CYLD: variants seen among roughly 807,000 people sequenced by gnomAD.
CYLD encodes ubiquitin carboxyl-terminal hydrolase CYLD.
Under a neutral mutation model 104.5 loss-of-function variants are expected in CYLD, and 26 were observed. The observed-to-expected ratio is 0.25, with a 90% confidence interval of 0.18 to 0.35. The LOEUF is 0.35. CYLD is among the 10% of genes least tolerant of loss of function. The probability of loss-of-function intolerance (pLI) is 1.00; values close to 1 mark genes in which losing one functional copy is unlikely to be tolerated. For missense variants in CYLD, 703 were observed against 1,136.1 expected (o/e 0.62, Z 5.48); for synonymous variants, 385 against 399.9 (o/e 0.96, Z 0.45).
chr16:50,743,271 G>A (rs1434883379), intron 2 of CYLD, among the ~76,000 whole-genome samples: 1 of 152,118 alleles, frequency 6.6e-6, no homozygotes, highest in African/African-American at 2.4e-5. Flanking sequence ...TTGATTGTTG[G>A]CTTTCTACAC....
At chr16:50,793,113 T>TACACACACACAC (rs1024974672) in intron 16 of CYLD, among the ~76,000 whole-genome samples, 12 of 134,272 alleles carry the variant, frequency 8.9e-5, no homozygotes, top group African/African-American at 3.3e-4. Context: ...AAAGGAGCCA[T>TACACACACACAC]ATACACACAC....
Position 50,799,071 on chromosome 16 carries a change from A to C in CYLD, c.*2563A>C, listed in dbSNP as rs2151053606. 8.6e-6 allele frequency: 2 copies of C among 233,452 alleles called. No homozygotes were observed. The highest frequency in any genetic ancestry group is 6.0e-5 in the East Asian group (1 of 16,712). 14.5% of individuals were successfully genotyped at this position (233,452 alleles called of 1,614,324 possible). A position where few individuals can be genotyped will look rare whatever the true frequency, so the allele number is the denominator to read the frequency against. ...TAGTTGGGGCTGGGCTGCATGGCACAGGGGCTTATGTGCCTGCTGGTTATT... is the reference window on the plus strand; with the variant it reads ...TAGTTGGGGCTGGGCTGCATGGCACCGGGGCTTATGTGCCTGCTGGTTATT... On this transcript the variant is annotated 3_prime_UTR_variant, in exon 19 of 19. Coordinates refer to ENST00000427738, the MANE Select transcript of CYLD (RefSeq NM_001378743.1).
intron 1 of CYLD, 192 bp from the exon 2 acceptor site, chr16:50,742,570 G>A (rs1965795686): frequency 2.7e-6 from 1 of 375,288 alleles, no homozygotes; most frequent in African/African-American, 2.1e-5. Flanking sequence ...TTACAGATTG[G>A]GAGACTGAGG....
rs78636108 is a variant in CYLD at position 50,777,561 on chromosome 16, T to A, written c.1022-264T>A. ...ATTTCTTAAAGCAGTTCATTTTTTT[T>A]AAAAATGAGTGGGCTTTTCTTTTAA... On this transcript the variant is annotated intron_variant, in intron 7 of 18. Transcript: ENST00000427738. 0.085 allele frequency among the ~76,000 whole-genome samples: 12,970 copies of A among 152,138 alleles called. 715 individuals are homozygous for A. The highest frequency in any genetic ancestry group is 0.24 in the South Asian group (1,136 of 4,822).
chr16:50,754,401 T>G lies in CYLD; in HGVS notation c.890T>G (p.Leu297Trp). The G allele has an allele frequency of 1.2e-6, 2 of 1,609,422 alleles. No individual in the cohort carries two copies. Among genetic ancestry groups the G allele is most frequent in the Non-Finnish European group, 1.7e-6 (2 of 1,176,092 alleles). The change falls in exon 5 of 19, where the codon TTG becomes TGG. Residue 297 changes from leucine to tryptophan, a missense_variant. Leu to Trp is a moderately conservative substitution (Grantham distance 61). Around this residue, in one of 5 missense-constraint regions of CYLD, gnomAD observed 123 missense variants for 213.3 expected, o/e 0.58. Coordinates refer to ENST00000427738, the MANE Select transcript of CYLD (RefSeq NM_001378743.1). ...GCGTGTGTTGAAAGTACAATTCTAT[T>G]GCACATCAATGATATCATCCCAGGT... ...SFACVESTIL[L>W]HINDIIPALS...
At chr16:50,753,020 A>G (rs368471049) in intron 4 of CYLD, among the ~76,000 whole-genome samples, 2 of 152,306 alleles carry the variant, frequency 1.3e-5, no homozygotes, top group Non-Finnish European at 1.5e-5. Context: ...AATCTCTTAT[A>G]CTCACAATGG....
chr16:50,797,172 AGT>A lies in CYLD; in HGVS notation c.*666_*667del, dbSNP rs1457131066. On this transcript the variant is annotated 3_prime_UTR_variant, in exon 19 of 19. Coordinates refer to ENST00000427738, the MANE Select transcript of CYLD (RefSeq NM_001378743.1). ...TCTGTCCCCAAATGTCCATTTTTGA[AGT>A]GATTTTCCTGGAGGATTAGGGTATT... is the stretch of plus-strand genomic sequence containing the variant. 4 of 232,962 alleles carry A rather than the reference AGT, an allele frequency of 1.7e-5. No homozygotes were observed. Among genetic ancestry groups the A allele is most frequent in the Non-Finnish European group, 3.4e-5 (4 of 117,968 alleles). The allele number at this position is 232,962 out of a possible 1,614,324, so 14.4% of individuals were successfully genotyped here.
chr16:50,770,088 A>G (rs1291157686), intron 5 of CYLD, among the ~76,000 whole-genome samples: 1 of 152,152 alleles, frequency 6.6e-6, no homozygotes, highest in African/African-American at 2.4e-5. Context: ...GTTTTTGGCT[A>G]TTATGAATAA....
chr16:50,773,037 C>T (rs934276026), intron 5 of CYLD, among the ~76,000 whole-genome samples: 11 of 152,164 alleles, frequency 7.2e-5, no homozygotes, highest in Non-Finnish European at 1.2e-4. Flanking sequence ...TTTCTGGCAT[C>T]GGGTTTAATA....
Position 50,744,576 on chromosome 16 carries a change from AG to A in CYLD, c.-124+1736del, listed in dbSNP as rs1966019595. Among the ~76,000 whole-genome samples, 4 of 152,340 alleles carry A rather than the reference AG, an allele frequency of 2.6e-5. No homozygotes were observed. In the South Asian group the frequency reaches 6.2e-4, roughly 24 times the overall value. On this transcript the variant is annotated intron_variant, in intron 2 of 18. Transcript: ENST00000427738. ...GCAGGATATCTTTGGAGATGCAAAA[AG>A]CTCTTGAATTGGATCTGTCTTTGTG... is the stretch of plus-strand genomic sequence containing the variant.
intron 5 of CYLD, among the ~76,000 whole-genome samples, chr16:50,772,514 A>C (rs942812992): frequency 6.6e-6 from 1 of 152,220 alleles, no homozygotes; most frequent in Non-Finnish European, 1.5e-5. Flanking sequence ...ATTAGTACAT[A>C]AGTTGTATAC....
intron 6 of CYLD, among the ~76,000 whole-genome samples, chr16:50,775,453 CTA>C (rs1969577618): frequency 6.6e-6 from 1 of 152,228 alleles, no homozygotes; most frequent in African/African-American, 2.4e-5. Flanking sequence ...GCATAATTCT[CTA>C]TGTTTTCCTC....
At chr16:50,757,736 T>C (rs1316994901) in intron 5 of CYLD, among the ~76,000 whole-genome samples, 1 of 152,008 alleles carries the variant, frequency 6.6e-6, no homozygotes, top group African/African-American at 2.4e-5. Context: ...TGGGGTTTCA[T>C]CGTGTTAGCC....
At chr16:50,784,617 T>C in intron 12 of CYLD, 166 bp downstream of exon 12, 4 of 709,682 alleles carry the variant, frequency 5.6e-6, no homozygotes, top group Non-Finnish European at 9.1e-6. Flanking sequence ...TGTACTTTTT[T>C]GCTTATTTAA....
At chr16:50,747,507 A>T (rs1966290646) in intron 2 of CYLD, among the ~76,000 whole-genome samples, 1 of 152,228 alleles carries the variant, frequency 6.6e-6, no homozygotes, top group African/African-American at 2.4e-5. Flanking sequence ...ATGATACATC[A>T]ATGATCAAGA....
At chr16:50,764,280 A>G (rs1030509535) in intron 5 of CYLD, among the ~76,000 whole-genome samples, 1 of 152,180 alleles carries the variant, frequency 6.6e-6, no homozygotes, top group South Asian at 2.1e-4. Context: ...AGAATTACCT[A>G]TTCCTTGACT....
At position 50,751,845 on chromosome 16, in the gene CYLD, T is replaced by C; in HGVS notation, c.746T>C (p.Val249Ala). ...KVGETIESGT[V>A]IFCDVLPGKE... ...GGAGAAACAATAGAATCTGGAACAG[T>C]TATATTCTGTGATGTTTTGCCAGGA... Residue 249 changes from valine (V) to alanine (A), a missense_variant, in exon 4 of 19, where the codon GTT becomes GCT. Val to Ala is a moderately conservative substitution (Grantham distance 64). This residue lies in a region of CYLD where 123 missense variants were observed against 213.3 expected (regional missense o/e 0.58). Coordinates refer to ENST00000427738, the MANE Select transcript of CYLD (RefSeq NM_001378743.1). The C allele has an allele frequency of 6.2e-7, 1 of 1,613,368 alleles. No homozygotes were observed.
chr16:50,746,861 T>C (rs1302864028), intron 2 of CYLD, among the ~76,000 whole-genome samples: 1 of 151,996 alleles, frequency 6.6e-6, no homozygotes, highest in East Asian at 1.9e-4. Context: ...TTAGCATTAA[T>C]GATTTTTATT....
At chr16:50,782,535 T>C in intron 11 of CYLD, 69 bp downstream of exon 11, 3 of 1,500,612 alleles carry the variant, frequency 2.0e-6, no homozygotes, top group Non-Finnish European at 2.8e-6. Flanking sequence ...GGTGTGTGTG[T>C]GTGTGTGCGT....
Sources: allele counts gnomAD v4.1 joint callset (sites outside exome capture counted in the v4.1 genomes callset), GRCh38; gene constraint gnomAD v4.1.1; regional missense constraint gnomAD v4.1.1; transcripts MANE v1.5; gene names NCBI Gene and HGNC (gene_info 2026-07-23, HGNC 2026-07-21).